The following ANXA11 variants were observed in gnomAD, a reference collection of about 807,000 sequenced individuals.
The protein encoded by ANXA11 is 56 kDa autoantigen.
Under a neutral mutation model 64.7 loss-of-function variants are expected in ANXA11, and 57 were observed. That is an observed-to-expected ratio of 0.88 (90% CI 0.71 to 1.10). The LOEUF (loss-of-function observed/expected upper bound fraction) is 1.10. Among genes scored for constraint, ANXA11 ranks in the 50% least tolerant of loss-of-function variants. ANXA11 has a pLI of 0.00. For missense variants in ANXA11, 675 were observed against 670.7 expected (o/e 1.01, Z -0.07); for synonymous variants, 260 against 265.2 (o/e 0.98, Z 0.19).
chr10:80,199,036 C>T (rs1840299474), intron 1 of ANXA11, among the ~76,000 whole-genome samples: 1 of 152,002 alleles, frequency 6.6e-6, no homozygotes, highest in African/African-American at 2.4e-5. Flanking sequence ...CACCCTCAAC[C>T]ACGTTCTGAT....
chr10:80,186,788 C>A (rs1846556694), intron 1 of ANXA11, among the ~76,000 whole-genome samples: 1 of 152,218 alleles, frequency 6.6e-6, no homozygotes, highest in African/African-American at 2.4e-5. Flanking sequence ...ACAACGCAGA[C>A]CGAGAGCACA....
At chr10:80,165,936 C>T in intron 8 of ANXA11, 148 bp downstream of exon 8, 1 of 465,582 alleles carries the variant, frequency 2.1e-6, no homozygotes, top group Non-Finnish European at 3.8e-6. Flanking sequence ...GGCCTGGGAG[C>T]CATACTGACA....
Position 80,153,820 on chromosome 10 carries a change from C to G in ANXA11, c.*2033G>C, listed in dbSNP as rs950102412. 1 of 152,234 alleles carries G rather than the reference C, an allele frequency of 6.6e-6. No individual in the cohort carries two copies. Among genetic ancestry groups the G allele is most frequent in the Non-Finnish European group, 1.5e-5 (1 of 68,056 alleles). The allele number at this position is 152,234 out of a possible 1,614,324, so 9.4% of individuals were successfully genotyped here. A position where few individuals can be genotyped will look rare whatever the true frequency, so the allele number is the denominator to read the frequency against. ...CCACACCCTTCGGATGTCATTCTTCCTTTATGTTTAGGGGGTAGTCCTCAA... is the reference window on the plus strand; with the variant it reads ...CCACACCCTTCGGATGTCATTCTTCGTTTATGTTTAGGGGGTAGTCCTCAA... On this transcript the variant is annotated 3_prime_UTR_variant, in exon 16 of 16. Transcript: ENST00000422982.
chr10:80,172,268 C>T (rs1406207125), intron 3 of ANXA11, among the ~76,000 whole-genome samples: 1 of 152,164 alleles, frequency 6.6e-6, no homozygotes, highest in Non-Finnish European at 1.5e-5. Flanking sequence ...CTGCAGAAAA[C>T]AGGGAGTGAC....
chr10:80,194,354 C>T (rs1846897188), intron 1 of ANXA11, among the ~76,000 whole-genome samples: 1 of 152,176 alleles, frequency 6.6e-6, no homozygotes, highest in African/African-American at 2.4e-5. Context: ...AGCAATCCCA[C>T]CTGGGTTTAT....
intron 6 of ANXA11, 82 bp from the exon 7 acceptor site, chr10:80,167,066 C>T (rs1589424988): frequency 1.5e-6 from 2 of 1,346,004 alleles, no homozygotes; most frequent in Non-Finnish European, 2.1e-6. Context: ...CTGGGCCCCT[C>T]AACTGTTCTG....
In ANXA11 at chr10:80,166,980, C is replaced by A. The variant is rs200066001; in HGVS notation, c.654G>T (p.Thr218=). ...GGCAGTCAATGATGGCCTGCTCATCCGTCCCTGGAGGAAGAGGCAGCAGGG... is the reference window on the plus strand; with the variant it reads ...GGCAGTCAATGATGGCCTGCTCATCAGTCCCTGGAGGAAGAGGCAGCAGGG... ...VLRKAMKGFG[T]DEQAIIDCLG... Residue 218 remains threonine, a synonymous_variant, in exon 7 of 16, where the codon ACG becomes ACT. Coordinates refer to ENST00000422982, the MANE Select transcript of ANXA11 (RefSeq NM_145868.2). 6.3e-7 allele frequency: 1 copy of A among 1,592,922 alleles called. No individual in the cohort carries two copies. Among genetic ancestry groups the A allele is most frequent in the Non-Finnish European group, 8.6e-7 (1 of 1,168,444 alleles).
chr10:80,179,413 T>C (rs1343608482), intron 1 of ANXA11, among the ~76,000 whole-genome samples: 1 of 152,240 alleles, frequency 6.6e-6, no homozygotes, highest in Non-Finnish European at 1.5e-5. Flanking sequence ...AAACCTCTTT[T>C]CTTTATAAAT....
chr10:80,200,276 T>C (rs904288321), intron 1 of ANXA11, among the ~76,000 whole-genome samples: 5 of 152,360 alleles, frequency 3.3e-5, no homozygotes, highest in Admixed American at 3.3e-4. Flanking sequence ...TTGAATGTCC[T>C]CTGATGCCTG....
At position 80,151,263 on chromosome 10, in the gene ANXA11, G is replaced by A. The variant is rs1467856182; in HGVS notation, c.*4590C>T. 1 of 152,192 alleles carries A rather than the reference G, an allele frequency of 6.6e-6. No homozygotes were observed. The highest frequency in any genetic ancestry group is 1.5e-5 in the Non-Finnish European group (1 of 68,056). The allele number at this position is 152,192 out of a possible 1,614,324, so 9.4% of individuals were successfully genotyped here. A position where few individuals can be genotyped will look rare whatever the true frequency, so the allele number is the denominator to read the frequency against. ...GGCTCAAGCTAAACACCAATATTAGGCCAAGGGGCAGCTTTCCAAGGAGTA... is the reference window on the plus strand; with the variant it reads ...GGCTCAAGCTAAACACCAATATTAGACCAAGGGGCAGCTTTCCAAGGAGTA... On this transcript the variant is annotated 3_prime_UTR_variant, in exon 16 of 16. Transcript: ENST00000422982.
chr10:80,195,583 G>C (rs1164956296), intron 1 of ANXA11: 3 of 152,704 alleles, frequency 2.0e-5, no homozygotes, highest in Non-Finnish European at 4.4e-5. Flanking sequence ...CTGCTTAGGT[G>C]GTCCCTCTAG....
At chr10:80,168,452 G>A (rs1845834837) in intron 5 of ANXA11, among the ~76,000 whole-genome samples, 1 of 152,170 alleles carries the variant, frequency 6.6e-6, no homozygotes, top group South Asian at 2.1e-4. Context: ...AAACAGGACA[G>A]CTCCCTTGGG....
At chr10:80,176,908 C>T (rs544070062) in intron 1 of ANXA11, among the ~76,000 whole-genome samples, 59 of 152,228 alleles carry the variant, frequency 3.9e-4, no homozygotes, top group African/African-American at 1.3e-3. Flanking sequence ...TCTAGTCCTC[C>T]GTTCTTAGAA....
Position 80,167,345 on chromosome 10 carries a change from C to T in ANXA11, c.562-32G>A, listed in dbSNP as rs748022025. On this transcript the variant is annotated intron_variant, in intron 5 of 15. Coordinates refer to ENST00000422982, the MANE Select transcript of ANXA11 (RefSeq NM_145868.2). ...GGACAAACAGTCTCAGGTAAGATGTCGTGCATGCCGCCTTCCCCACATTCA... is the reference window on the plus strand; with the variant it reads ...GGACAAACAGTCTCAGGTAAGATGTTGTGCATGCCGCCTTCCCCACATTCA... 1.3e-5 allele frequency: 21 copies of T among 1,595,630 alleles called. No homozygotes were observed. In the East Asian group the frequency reaches 2.0e-4, roughly 15 times the overall value.
At chr10:80,189,961 C>T (rs968149958) in intron 1 of ANXA11, among the ~76,000 whole-genome samples, 1 of 152,202 alleles carries the variant, frequency 6.6e-6, no homozygotes, top group Non-Finnish European at 1.5e-5. Flanking sequence ...CTGACATATG[C>T]TACAATGTGG....
Position 80,162,051 on chromosome 10 carries a change from A to G in ANXA11, c.1087-23T>C, listed in dbSNP as rs755927816. On this transcript the variant is annotated intron_variant, in intron 11 of 15. Coordinates refer to ENST00000422982, the MANE Select transcript of ANXA11 (RefSeq NM_145868.2). ...CTCCTGGAGAGAGAGGAAGACGCAC[A>G]TGTGGCACAGGCCACACCCAGACCC... 6 of 1,598,814 alleles carry G rather than the reference A, an allele frequency of 3.8e-6. No individual in the cohort carries two copies. In the African/African-American group the frequency reaches 4.0e-5, roughly 11 times the overall value.
rs1425516955 is a variant in ANXA11 at position 80,153,406 on chromosome 10, T to C, written c.*2447A>G. The C allele has an allele frequency of 6.6e-6, 1 of 152,256 alleles. No individual in the cohort carries two copies. Among genetic ancestry groups the C allele is most frequent in the African/African-American group, 2.4e-5 (1 of 41,478 alleles). The allele number at this position is 152,256 out of a possible 1,614,324, so 9.4% of individuals were successfully genotyped here. On this transcript the variant is annotated 3_prime_UTR_variant, in exon 16 of 16. Transcript: ENST00000422982. Reference sequence around the variant, plus strand: ...CAAATTCAAATGTCTAAAAACACTTTGGAAACCAAAGTAAATGTGTCTGTA... The same window carrying C: ...CAAATTCAAATGTCTAAAAACACTTCGGAAACCAAAGTAAATGTGTCTGTA...
chr10:80,157,895 G>A lies in ANXA11; in HGVS notation c.1335+72C>T, dbSNP rs369623714. ...AGATTTAGCTCTCCCCAGGCCTTCT[G>A]CCCTCAGCCCTTGGTCCCAGGCACA... is the stretch of plus-strand genomic sequence containing the variant. On this transcript the variant is annotated intron_variant, in intron 14 of 15. Coordinates refer to ENST00000422982, the MANE Select transcript of ANXA11 (RefSeq NM_145868.2). The A allele has an allele frequency of 8.1e-4, 1,296 of 1,596,256 alleles. 20 individuals carry two copies. In the South Asian group the frequency reaches 0.014, roughly 17 times the overall value.
chr10:80,175,185 G>A (rs1846125679), intron 2 of ANXA11, among the ~76,000 whole-genome samples: 1 of 152,188 alleles, frequency 6.6e-6, no homozygotes, highest in East Asian at 1.9e-4. Context: ...GCCCCAGCCT[G>A]ACCCTTCTGC....
Sources: gnomAD v4.1 joint callset for allele counts (sites outside exome capture counted in the v4.1 genomes callset) on GRCh38, gnomAD v4.1.1 for gene constraint, MANE v1.5 for transcripts, NCBI Gene and HGNC (gene_info 2026-07-23, HGNC 2026-07-21) for gene names.